The following SGIP1 variants were observed in gnomAD, a reference collection of about 807,000 sequenced individuals.
The protein encoded by SGIP1 is SH3-containing GRB2-like protein 3-interacting protein 1.
In SGIP1, 38 loss-of-function variants were observed where a neutral mutation model predicts 107.5. That is an observed-to-expected ratio of 0.35 (90% CI 0.27 to 0.46). The LOEUF (loss-of-function observed/expected upper bound fraction) is 0.46. SGIP1 is among the 20% of genes least tolerant of loss of function. The pLI is 1.00. For synonymous variants in SGIP1, 365 were observed against 366.1 expected (o/e 1.00, Z 0.03); for missense variants, 929 against 1,019.5 (o/e 0.91, Z 1.21).
rs139242055 is a variant in SGIP1 at position 66,682,264 on chromosome 1, G to C, written c.1210G>C (p.Gly404Arg). ...LETISSPKDFGLGQRATPPPP... is the reference protein window; with the variant it reads ...LETISSPKDFRLGQRATPPPP... ...AACAATCTCATCTCCTAAAGATTTT[G>C]GGTTGGGACAAAGAGCAACTCCACC... The change falls in exon 15 of 25, where the codon GGG becomes CGG. Residue 404 changes from glycine (G) to arginine (R), a missense_variant. Physicochemically the swap from Gly to Arg is moderately radical, Grantham distance 125. Around this residue, in one of 2 missense-constraint regions of SGIP1, gnomAD observed 588 missense variants for 588.6 expected, o/e 1.00. Coordinates refer to ENST00000371037, the MANE Select transcript of SGIP1 (RefSeq NM_032291.4). 13 of 1,614,210 alleles carry C rather than the reference G, an allele frequency of 8.1e-6. No homozygotes were observed. The highest frequency in any genetic ancestry group is 1.1e-5 in the Non-Finnish European group (13 of 1,180,040).
chr1:66,574,695 G>T (rs963785835), intron 1 of SGIP1, among the ~76,000 whole-genome samples: 1 of 152,082 alleles, frequency 6.6e-6, no homozygotes, highest in Non-Finnish European at 1.5e-5. Flanking sequence ...AACATTCACT[G>T]GTTCCCCCTT....
chr1:66,622,787 G>A (rs1018743493), intron 1 of SGIP1, among the ~76,000 whole-genome samples: 7 of 152,116 alleles, frequency 4.6e-5, no homozygotes, highest in Admixed American at 4.6e-4. Context: ...TTTTGATGTT[G>A]GCAAGGGAAG....
At chr1:66,567,885 C>T (rs2059875024) in intron 1 of SGIP1, among the ~76,000 whole-genome samples, 2 of 152,138 alleles carry the variant, frequency 1.3e-5, no homozygotes, top group Admixed American at 1.3e-4. Context: ...GTACCAGTAC[C>T]ATGCTGTTTT....
chr1:66,601,377 G>GAAAA (rs2065792584), intron 1 of SGIP1, among the ~76,000 whole-genome samples: 1 of 151,918 alleles, frequency 6.6e-6, no homozygotes, highest in Admixed American at 6.6e-5. Flanking sequence ...ACACAAACAA[G>GAAAA]CAAACAAACA....
intron 3 of SGIP1, among the ~76,000 whole-genome samples, chr1:66,633,485 A>C (rs546069492): frequency 6.6e-6 from 1 of 152,218 alleles, no homozygotes; most frequent in Non-Finnish European, 1.5e-5. Flanking sequence ...AAGAAAATTC[A>C]AAGAAGCTTT....
At chr1:66,683,178 A>G (rs539404682) in intron 15 of SGIP1, among the ~76,000 whole-genome samples, 1 of 152,302 alleles carries the variant, frequency 6.6e-6, no homozygotes, top group East Asian at 1.9e-4. Context: ...CCAAAGCAAT[A>G]TCAATATTTT....
At chr1:66,720,405 G>A (rs945838243) in intron 19 of SGIP1, among the ~76,000 whole-genome samples, 2 of 152,122 alleles carry the variant, frequency 1.3e-5, no homozygotes, top group Non-Finnish European at 2.9e-5. Context: ...ACAAAGACTA[G>A]GGCTTTGAAA....
At chr1:66,564,514 G>A (rs553024722) in intron 1 of SGIP1, among the ~76,000 whole-genome samples, 12 of 151,846 alleles carry the variant, frequency 7.9e-5, no homozygotes, top group East Asian at 1.9e-4. Flanking sequence ...CAAAGCAGGC[G>A]TGGAAATACA....
chr1:66,597,051 TA>T (rs1367187500), intron 1 of SGIP1, among the ~76,000 whole-genome samples: 2 of 152,228 alleles, frequency 1.3e-5, no homozygotes, highest in East Asian at 1.9e-4. Context: ...AAAACTGGTT[TA>T]AAAAATTTAT....
chr1:66,671,715 G>A (rs138482891), intron 10 of SGIP1, among the ~76,000 whole-genome samples: 113 of 152,244 alleles, frequency 7.4e-4, no homozygotes, highest in South Asian at 2.1e-3. Context: ...GGCTTGTCAC[G>A]GAAGTTCCTT....
chr1:66,618,134 A>AT (rs1254987079), intron 1 of SGIP1, among the ~76,000 whole-genome samples: 1 of 152,172 alleles, frequency 6.6e-6, no homozygotes, highest in Admixed American at 6.5e-5. Flanking sequence ...ATGTCTATTA[A>AT]TTTTTTTATG....
intron 8 of SGIP1, chr1:66,666,944 C>G (rs939964935): frequency 2.0e-5 from 3 of 152,278 alleles, no homozygotes; most frequent in African/African-American, 7.2e-5. Flanking sequence ...ATTCGCATCA[C>G]ATTGGTAGAG....
chr1:66,653,906 C>G (rs556677149), intron 7 of SGIP1, among the ~76,000 whole-genome samples: 4 of 152,220 alleles, frequency 2.6e-5, no homozygotes, highest in African/African-American at 9.6e-5. Context: ...AAAGAAGCAA[C>G]CAATTTTGAA....
intron 17 of SGIP1, chr1:66,695,223 A>G (rs912241469): frequency 7.0e-6 from 7 of 1,006,020 alleles, no homozygotes; most frequent in African/African-American, 2.0e-5. Flanking sequence ...TTAGGCCTCC[A>G]TAGCTTTGCT....
intron 3 of SGIP1, 76 bp from the exon 4 acceptor site, chr1:66,635,868 T>A: frequency 6.9e-7 from 1 of 1,445,480 alleles, no homozygotes; most frequent in Admixed American, 1.8e-5. Context: ...TGACTCCATG[T>A]AATTCTTTAT....
intron 8 of SGIP1, 47 bp downstream of exon 8, chr1:66,660,571 T>C: frequency 6.4e-7 from 1 of 1,562,960 alleles, no homozygotes; most frequent in Non-Finnish European, 8.8e-7. Context: ...TTATTTATTC[T>C]GTTTATTTTC....
intron 1 of SGIP1, among the ~76,000 whole-genome samples, chr1:66,579,231 C>T (rs2061489422): frequency 6.6e-6 from 1 of 152,050 alleles, no homozygotes; most frequent in Admixed American, 6.5e-5. Flanking sequence ...CATGTCAGTA[C>T]CCAACATGCT....
rs1416639968 is a variant in SGIP1, at chr1:66,749,720, C to T, written c.*6625C>T. Among the ~76,000 whole-genome samples, 1 of 152,010 alleles carries T rather than the reference C, an allele frequency of 6.6e-6. No homozygotes were observed. Among genetic ancestry groups the T allele is most frequent in the African/African-American group, 2.4e-5 (1 of 41,418 alleles). On this transcript the variant is annotated 3_prime_UTR_variant, in exon 25 of 25. Coordinates refer to ENST00000371037, the MANE Select transcript of SGIP1 (RefSeq NM_032291.4). ...TATCATACAAATGTTAATTCCATCT[C>T]GCTCATTCAGTTTTACATTACTTTT...
rs564113023 is a variant in SGIP1, at chr1:66,748,031, A to G, written c.*4936A>G. On this transcript the variant is annotated 3_prime_UTR_variant, in exon 25 of 25. Transcript: ENST00000371037. ...ATTGTTGATATAAATGAACAAATCA[A>G]TCCAAGTTACATTGATTAAAGGGAC... is the stretch of plus-strand genomic sequence containing the variant. 7.0e-4 allele frequency: 107 copies of G among 152,170 alleles called. No homozygotes were observed. Among genetic ancestry groups the G allele is most frequent in the African/African-American group, 2.5e-3 (103 of 41,574 alleles). The allele number at this position is 152,170 out of a possible 1,614,324, so 9.4% of individuals were successfully genotyped here.
Sources: gnomAD v4.1 joint callset for allele counts (sites outside exome capture counted in the v4.1 genomes callset) on GRCh38, gnomAD v4.1.1 for gene constraint, gnomAD v4.1.1 regional missense constraint, MANE v1.5 for transcripts, NCBI Gene and HGNC (gene_info 2026-07-23, HGNC 2026-07-21) for gene names.